Variants in BBS9 observed in about 807,000 individuals in gnomAD.
The protein encoded by BBS9 is protein PTHB1.
In BBS9, 89 loss-of-function variants were observed where a neutral mutation model predicts 117.7. The ratio of observed to expected loss-of-function variants is 0.76; its 90% CI spans 0.64 to 0.90. The LOEUF is 0.90. Ranked by LOEUF, BBS9 falls within the 40% of genes least tolerant of loss-of-function variation. The probability of loss-of-function intolerance (pLI) is 0.00; values close to 1 mark genes in which losing one functional copy is unlikely to be tolerated. For missense variants in BBS9, 982 were observed against 1,042.2 expected (o/e 0.94, Z 0.80); for synonymous variants, 379 against 370.9 (o/e 1.02, Z -0.25).
At chr7:33,396,514 A>T (rs1230344972) in intron 19 of BBS9, among the ~76,000 whole-genome samples, 6 of 152,210 alleles carry the variant, frequency 3.9e-5, no homozygotes, top group East Asian at 1.9e-4. Context: ...TGCAATTTTT[A>T]AAAATATTAT....
chr7:33,134,215 ATTTTTTTTTT>A (rs59609414), intron 1 of BBS9, among the ~76,000 whole-genome samples: 3 of 118,056 alleles, frequency 2.5e-5, no homozygotes. Flanking sequence ...ACGCCTGGCT[ATTTTTTTTTT>A]TTTTTTTTTT....
chr7:33,511,771 A>G (rs1323982622), intron 20 of BBS9, among the ~76,000 whole-genome samples: 2 of 152,186 alleles, frequency 1.3e-5, no homozygotes, highest in Admixed American at 1.3e-4. Flanking sequence ...GAGAAAACAG[A>G]TGTTTATAAT....
intron 19 of BBS9, among the ~76,000 whole-genome samples, chr7:33,448,940 A>G (rs1364849981): frequency 6.6e-6 from 1 of 152,248 alleles, no homozygotes; most frequent in African/African-American, 2.4e-5. Flanking sequence ...CCAGAGGACA[A>G]GAGTAGGTAT....
intron 5 of BBS9, among the ~76,000 whole-genome samples, chr7:33,188,403 G>T (rs1783514449): frequency 6.6e-6 from 1 of 152,052 alleles, no homozygotes; most frequent in African/African-American, 2.4e-5. Context: ...CTACTAAATT[G>T]ACTTTTTAAC....
chr7:33,353,223 A>G (rs959593185), intron 15 of BBS9, among the ~76,000 whole-genome samples: 1 of 152,174 alleles, frequency 6.6e-6, no homozygotes, highest in Non-Finnish European at 1.5e-5. Flanking sequence ...GAAAGAGTTT[A>G]AAAAAAGTGT....
intron 2 of BBS9, among the ~76,000 whole-genome samples, chr7:33,151,788 T>G (rs938410130): frequency 1.3e-5 from 2 of 151,048 alleles, no homozygotes; most frequent in African/African-American, 4.9e-5. Flanking sequence ...TGATCTCAAG[T>G]GATCTGCCTG....
intron 21 of BBS9, among the ~76,000 whole-genome samples, chr7:33,545,595 C>T (rs1853183118): frequency 6.6e-6 from 1 of 152,002 alleles, no homozygotes; most frequent in Non-Finnish European, 1.5e-5. Context: ...TCTGTGGGTC[C>T]TCGGGATTGC....
At chr7:33,472,812 G>A (rs1009114076) in intron 19 of BBS9, among the ~76,000 whole-genome samples, 15 of 152,192 alleles carry the variant, frequency 9.9e-5, no homozygotes, top group Non-Finnish European at 1.2e-4. Context: ...TAGTGAACAC[G>A]TATACTTTAT....
At chr7:33,582,605 A>C (rs1055508058) in intron 21 of BBS9, among the ~76,000 whole-genome samples, 1 of 151,986 alleles carries the variant, frequency 6.6e-6, no homozygotes, top group Non-Finnish European at 1.5e-5. Flanking sequence ...ACATTTCTGG[A>C]CACTTTTGCC....
chr7:33,416,916 G>A (rs1832098259), intron 19 of BBS9, among the ~76,000 whole-genome samples: 1 of 151,958 alleles, frequency 6.6e-6, no homozygotes, highest in Non-Finnish European at 1.5e-5. Context: ...ATGCTCCTAG[G>A]TTTCTTTCTA....
chr7:33,240,783 TA>T (rs544102718), intron 5 of BBS9, among the ~76,000 whole-genome samples: 136 of 152,326 alleles, frequency 8.9e-4, no homozygotes, highest in African/African-American at 3.1e-3. Flanking sequence ...TGTCTTTCAG[TA>T]AAAAAATTTT....
At chr7:33,599,526 T>A (rs1863462640) in intron 21 of BBS9, among the ~76,000 whole-genome samples, 1 of 152,192 alleles carries the variant, frequency 6.6e-6, no homozygotes, top group South Asian at 2.1e-4. Context: ...TACAGTGAGG[T>A]TTAGTTAACA....
intron 5 of BBS9, among the ~76,000 whole-genome samples, chr7:33,200,216 T>G (rs562242986): frequency 5.6e-4 from 86 of 152,296 alleles, no homozygotes; most frequent in African/African-American, 2.0e-3. Context: ...ACAGTATACT[T>G]AATTTCTATT....
At chr7:33,443,069 A>C (rs1836455319) in intron 19 of BBS9, among the ~76,000 whole-genome samples, 1 of 152,206 alleles carries the variant, frequency 6.6e-6, no homozygotes, top group Non-Finnish European at 1.5e-5. Context: ...CTAAATGGGT[A>C]GATCATGTAC....
chr7:33,405,161 A>G (rs532049985), intron 19 of BBS9, among the ~76,000 whole-genome samples: 62 of 152,288 alleles, frequency 4.1e-4, no homozygotes, highest in African/African-American at 1.5e-3. Context: ...TGATTTGCGT[A>G]TATTGAACCA....
At chr7:33,363,749 A>C (rs1821080713) in intron 16 of BBS9, among the ~76,000 whole-genome samples, 1 of 151,366 alleles carries the variant, frequency 6.6e-6, no homozygotes, top group South Asian at 2.1e-4. Context: ...TGAGACTGTA[A>C]TCAGGAATGG....
intron 21 of BBS9, among the ~76,000 whole-genome samples, chr7:33,550,186 A>G (rs1459791404): frequency 6.6e-6 from 1 of 152,180 alleles, no homozygotes; most frequent in Non-Finnish European, 1.5e-5. Context: ...TTCTACTCCC[A>G]GTATCTGCTC....
chr7:33,271,094 T>C (rs1480237091), intron 7 of BBS9, among the ~76,000 whole-genome samples: 1 of 152,168 alleles, frequency 6.6e-6, no homozygotes, highest in Non-Finnish European at 1.5e-5. Context: ...ACCAAGAATG[T>C]CATATCCAGC....
intron 21 of BBS9, among the ~76,000 whole-genome samples, chr7:33,549,690 C>CT (rs1331255364): frequency 6.6e-6 from 1 of 151,912 alleles, no homozygotes; most frequent in Non-Finnish European, 1.5e-5. Flanking sequence ...CTCATCATCA[C>CT]TGGCCATCAG....
Sources: allele counts gnomAD v4.1 joint callset (sites outside exome capture counted in the v4.1 genomes callset), GRCh38; gene constraint gnomAD v4.1.1; transcripts MANE v1.5; gene names NCBI Gene and HGNC (gene_info 2026-07-23, HGNC 2026-07-21).